SVOP: variants seen among roughly 807,000 people sequenced by gnomAD.
SVOP encodes synaptic vesicle 2-related protein.
Under a neutral mutation model 69.1 loss-of-function variants are expected in SVOP, and 17 were observed. The ratio of observed to expected loss-of-function variants is 0.25; its 90% CI spans 0.17 to 0.37. SVOP has a LOEUF of 0.37. Among genes scored for constraint, SVOP ranks in the 10% least tolerant of loss-of-function variants. SVOP has a pLI of 1.00. For synonymous variants in SVOP, 238 were observed against 238.6 expected (o/e 1.00, Z 0.02); for missense variants, 435 against 597.5 (o/e 0.73, Z 2.84).
intron 1 of SVOP, among the ~76,000 whole-genome samples, chr12:109,000,231 G>A (rs897150552): frequency 1.3e-4 from 20 of 151,352 alleles, no homozygotes; most frequent in East Asian, 1.9e-4. Flanking sequence ...TAAATTCCTC[G>A]ACACATACAG....
chr12:109,020,036 C>T (rs1216287087), intron 1 of SVOP, among the ~76,000 whole-genome samples: 1 of 152,026 alleles, frequency 6.6e-6, no homozygotes, highest in African/African-American at 2.4e-5. Context: ...TTTTTAATGC[C>T]CCCTCTCATA....
At chr12:108,951,249 G>A (rs938012651) in intron 6 of SVOP, among the ~76,000 whole-genome samples, 2 of 152,192 alleles carry the variant, frequency 1.3e-5, no homozygotes, top group African/African-American at 4.8e-5. Flanking sequence ...CAAGTAGGGC[G>A]TGGGTTACCT....
intron 8 of SVOP, among the ~76,000 whole-genome samples, chr12:108,939,721 C>A (rs574552741): frequency 6.6e-6 from 1 of 152,078 alleles, no homozygotes; most frequent in East Asian, 1.9e-4. Context: ...TTTTTCATAG[C>A]GCAAAGTTGT....
chr12:108,949,946 A>C (rs2039945230), intron 6 of SVOP, among the ~76,000 whole-genome samples: 1 of 152,178 alleles, frequency 6.6e-6, no homozygotes, highest in South Asian at 2.1e-4. Flanking sequence ...AAGTGGGACC[A>C]TTTGGAGGAC....
At chr12:109,008,438 G>A (rs1302282278) in intron 1 of SVOP, among the ~76,000 whole-genome samples, 2 of 152,114 alleles carry the variant, frequency 1.3e-5, no homozygotes, top group Admixed American at 1.3e-4. Context: ...TTCTGAATGT[G>A]TTAGAAGTCT....
At chr12:108,919,540 C>G in intron 13 of SVOP, 135 bp downstream of exon 13, 1 of 651,908 alleles carries the variant, frequency 1.5e-6, no homozygotes, top group South Asian at 1.8e-5. Context: ...CACACCTACA[C>G]CCACACTTGG....
intron 14 of SVOP, among the ~76,000 whole-genome samples, chr12:108,916,165 T>C (rs1334042585): frequency 6.6e-6 from 1 of 152,178 alleles, no homozygotes. Flanking sequence ...AGTTCACAAC[T>C]CAGGGGTTGC....
intron 1 of SVOP, among the ~76,000 whole-genome samples, chr12:108,988,836 G>A (rs1465799567): frequency 7.2e-6 from 1 of 138,232 alleles, no homozygotes; most frequent in Admixed American, 7.9e-5. Flanking sequence ...GCAATGGCAT[G>A]ATCTCTGGTA....
At chr12:108,997,103 TGCACCGTGCGC>T (rs1372034988) in intron 1 of SVOP, among the ~76,000 whole-genome samples, 5 of 150,348 alleles carry the variant, frequency 3.3e-5, no homozygotes, top group African/African-American at 1.2e-4. Context: ...AGTGGGTGCG[TGCACCGTGCGC>T]GAGCCGAAGC....
At chr12:108,944,992 T>C (rs964218028) in intron 7 of SVOP, 111 bp downstream of exon 7, 2 of 953,720 alleles carry the variant, frequency 2.1e-6, no homozygotes, top group South Asian at 1.5e-5. Context: ...ATATTGAGTC[T>C]GTAATGTTTT....
chr12:108,993,106 C>G (rs1294837414), intron 1 of SVOP, among the ~76,000 whole-genome samples: 4 of 152,076 alleles, frequency 2.6e-5, no homozygotes, highest in African/African-American at 9.7e-5. Context: ...CTCCCAGGTT[C>G]AAGCAATTCT....
chr12:108,912,751 G>A lies in SVOP; in HGVS notation c.1441-10C>T, dbSNP rs1268476947. ...AGGATTCCAGCATCACCTAGGGGAA[G>A]GAGACACGGGTCGGTGAAAGCATCC... On this transcript the variant is annotated splice_polypyrimidine_tract_variant and intron_variant, in intron 15 of 15. Transcript: ENST00000610966. 1 of 1,612,084 alleles carries A rather than the reference G, an allele frequency of 6.2e-7. No individual in the cohort carries two copies. Among genetic ancestry groups the A allele is most frequent in the African/African-American group, 1.3e-5 (1 of 74,882 alleles).
intron 12 of SVOP, among the ~76,000 whole-genome samples, chr12:108,921,346 T>C (rs776993004): frequency 2.0e-5 from 3 of 152,170 alleles, no homozygotes; most frequent in Non-Finnish European, 2.9e-5. Context: ...TGTGGGGTAC[T>C]CAGTATCATA....
At chr12:108,940,945 G>GTGGT in intron 7 of SVOP, 36 bp from the exon 8 acceptor site, 1 of 1,532,572 alleles carries the variant, frequency 6.5e-7, no homozygotes, top group Non-Finnish European at 8.7e-7. Context: ...GGTGGGGGTA[G>GTGGT]CATGGTCCAT....
At chr12:108,968,986 GT>G (rs1330020061) in intron 5 of SVOP, among the ~76,000 whole-genome samples, 1 of 152,064 alleles carries the variant, frequency 6.6e-6, no homozygotes. Context: ...TAGAGATGGG[GT>G]TTCGCCATGT....
intron 6 of SVOP, among the ~76,000 whole-genome samples, chr12:108,958,733 T>TTGCCTTGGCCAAAAGTAGC: frequency 6.6e-6 from 1 of 152,124 alleles, no homozygotes; most frequent in East Asian, 1.9e-4. Context: ...CTTGCAGAAG[T>TTGCCTTGGCCAAAAGTAGC]TGCCTTGGCC....
chr12:108,982,915 C>CATT (rs1193622862), intron 2 of SVOP, among the ~76,000 whole-genome samples: 2 of 147,254 alleles, frequency 1.4e-5, no homozygotes, highest in African/African-American at 5.0e-5. Context: ...TCCTTATCAT[C>CATT]TTTCATCACT....
intron 1 of SVOP, among the ~76,000 whole-genome samples, chr12:109,014,920 T>G (rs1297540181): frequency 6.6e-6 from 1 of 152,070 alleles, no homozygotes; most frequent in African/African-American, 2.4e-5. Context: ...GACGGGGTCT[T>G]GCTTTGTTGC....
At chr12:109,000,603 C>G (rs2040262867) in intron 1 of SVOP, among the ~76,000 whole-genome samples, 1 of 39,474 alleles carries the variant, frequency 2.5e-5, no homozygotes, top group African/African-American at 1.1e-4. Context: ...CATCAAAAAG[C>G]TTATCCACCA....
Sources: allele counts gnomAD v4.1 joint callset (sites outside exome capture counted in the v4.1 genomes callset), GRCh38; gene constraint gnomAD v4.1.1; transcripts MANE v1.5; gene names NCBI Gene and HGNC (gene_info 2026-07-23, HGNC 2026-07-21).